The following SORBS3 variants were observed in gnomAD, a reference collection of about 807,000 sequenced individuals.
The protein encoded by SORBS3 is sorbin and SH3 domain containing 3, also known as vinexin.
In SORBS3, 69 loss-of-function variants were observed where a neutral mutation model predicts 98.0. The observed-to-expected ratio is 0.70, with a 90% confidence interval of 0.58 to 0.86. SORBS3 has a LOEUF of 0.86. SORBS3 is among the 40% of genes least tolerant of loss of function. The pLI, the probability that SORBS3 is intolerant of heterozygous loss-of-function variation, is 0.00. For missense variants in SORBS3, 954 were observed against 908.5 expected (o/e 1.05, Z -0.64); for synonymous variants, 394 against 355.4 (o/e 1.11, Z -1.22).
Position 22,554,807 on chromosome 8 carries a change from T to TCCCA in SORBS3, c.103-53_103-52insACCC. On this transcript the variant is annotated intron_variant, in intron 2 of 20. Transcript: ENST00000240123. The surrounding 1 kb of genome is among the most constrained non-coding windows in gnomAD (Gnocchi z 6.5). Reference sequence around the variant, plus strand: ...GGGTGTGGGCTGTGCCTAGTAGCCATCCCTCCCTCCCGCCCTGCTGGGCCC... The same window carrying TCCCA: ...GGGTGTGGGCTGTGCCTAGTAGCCATCCCACCCTCCCTCCCGCCCTGCTGGGCCC... 1 of 1,428,608 alleles carries TCCCA rather than the reference T, an allele frequency of 7.0e-7. No individual in the cohort carries two copies. Among genetic ancestry groups the TCCCA allele is most frequent in the Non-Finnish European group, 9.8e-7 (1 of 1,020,752 alleles). 88.5% of individuals were successfully genotyped at this position (1,428,608 alleles called of 1,614,324 possible).
At chr8:22,548,773 CT>C (rs1456901917), upstream of SORBS3, among the ~76,000 whole-genome samples, 1 of 152,176 alleles carries the variant, frequency 6.6e-6, no homozygotes, top group Non-Finnish European at 1.5e-5. Context: ...TCTGGGACCC[CT>C]GGCTTCCCTT....
intron 1 of SORBS3, among the ~76,000 whole-genome samples, chr8:22,553,901 T>G (rs928055611): frequency 2.0e-4 from 31 of 152,110 alleles, no homozygotes; most frequent in African/African-American, 7.5e-4. Flanking sequence ...TGCCTGGAAA[T>G]GCCCCCGACG....
intron 5 of SORBS3, 33 bp downstream of exon 5, chr8:22,558,225 A>G: frequency 6.2e-7 from 1 of 1,605,532 alleles, no homozygotes; most frequent in Non-Finnish European, 8.5e-7. Context: ...TCTCCCTGCC[A>G]AAGTGGATTC....
rs771378393 is a variant in SORBS3 at position 22,565,303 on chromosome 8, C to A, written c.852C>A (p.Ala284=). 4 of 1,558,884 alleles carry A rather than the reference C, an allele frequency of 2.6e-6. No individual in the cohort carries two copies. Among genetic ancestry groups the A allele is most frequent in the Non-Finnish European group, 3.5e-6 (4 of 1,151,724 alleles). Residue 284 remains alanine, a synonymous_variant, in exon 11 of 21, where the codon GCC becomes GCA. Transcript: ENST00000240123. ...AGAGAGAGCTGGCCGAGCTGAGCGCCGAGCTGGACAAGGACCTGCGGGCAA... is the reference window on the plus strand; with the variant it reads ...AGAGAGAGCTGGCCGAGCTGAGCGCAGAGCTGGACAAGGACCTGCGGGCAA... ...LLERELAELS[A]ELDKDLRAIE... is the part of the protein sequence containing the mutation.
intron 19 of SORBS3, 62 bp downstream of exon 19, chr8:22,571,883 A>G (rs1391201748): frequency 1.7e-6 from 2 of 1,189,442 alleles, no homozygotes; most frequent in East Asian, 2.3e-5. Flanking sequence ...GCAATGCCCC[A>G]TATTCCACCC....
chr8:22,574,968 A>C lies in SORBS3; in HGVS notation c.*240A>C. 2.6e-5 allele frequency: 17 copies of C among 648,514 alleles called. No individual in the cohort carries two copies. Among genetic ancestry groups the C allele is most frequent in the East Asian group, 3.1e-5 (1 of 32,114 alleles). The allele number at this position is 648,514 out of a possible 1,614,324, so 40.2% of individuals were successfully genotyped here. A position where few individuals can be genotyped will look rare whatever the true frequency, so the allele number is the denominator to read the frequency against. ...ATTTCCTCCCCACCCCACTCCCCAA[A>C]TACAGAGGTCTGCTTTGAAGCGGAG... On this transcript the variant is annotated 3_prime_UTR_variant, in exon 21 of 21. Transcript: ENST00000240123.
chr8:22,574,193 G>A (rs1563845697), intron 20 of SORBS3, among the ~76,000 whole-genome samples: 1 of 152,164 alleles, frequency 6.6e-6, no homozygotes, highest in Admixed American at 6.5e-5. Flanking sequence ...TCCTCTTCAA[G>A]ACACGAGTTT....
At chr8:22,547,562 G>A (rs1840028980), upstream of SORBS3, among the ~76,000 whole-genome samples, 1 of 152,158 alleles carries the variant, frequency 6.6e-6, no homozygotes, top group African/African-American at 2.4e-5. Flanking sequence ...CCTACCCATC[G>A]CAGTCTACCT....
At position 22,564,072 on chromosome 8, in the gene SORBS3, A is replaced by G. The variant is rs1407575678; in HGVS notation, c.670A>G (p.Asn224Asp). ...GAFSTVLQPSNQVLRRREKVD... is the reference protein window; with the variant it reads ...GAFSTVLQPSDQVLRRREKVD... ...ATTCTCCACTGTGCTGCAGCCCTCA[A>G]ATCAGGTAGCCCACCCAGCATAGTC... The change falls in exon 8 of 21, where the codon AAT (asparagine) becomes GAT (aspartate). Residue 224 changes from asparagine to aspartate, a missense_variant. Asn to Asp is a conservative substitution (Grantham distance 23). Coordinates refer to ENST00000240123, the MANE Select transcript of SORBS3 (RefSeq NM_005775.5). 14 of 1,613,466 alleles carry G rather than the reference A, an allele frequency of 8.7e-6. No homozygotes were observed. The highest frequency in any genetic ancestry group is 1.3e-5 in the African/African-American group (1 of 74,916).
chr8:22,564,166 C>T, intron 8 of SORBS3, 89 bp downstream of exon 8: 1 of 1,501,056 alleles, frequency 6.7e-7, no homozygotes, highest in Non-Finnish European at 9.2e-7. Context: ...AGCTTGAATC[C>T]CTTGGAGGAC....
chr8:22,572,874 C>T (rs1415306174), intron 20 of SORBS3, among the ~76,000 whole-genome samples: 2 of 152,222 alleles, frequency 1.3e-5, no homozygotes, highest in Non-Finnish European at 2.9e-5. Context: ...CCCAGCCCCT[C>T]AGGGCTGGCC....
upstream of SORBS3, among the ~76,000 whole-genome samples, chr8:22,549,414 G>A (rs546840468): frequency 1.8e-4 from 27 of 152,262 alleles, no homozygotes; most frequent in South Asian, 6.2e-4. Flanking sequence ...GGGAGGCGTC[G>A]GGAAATCAGA....
intron 17 of SORBS3, among the ~76,000 whole-genome samples, chr8:22,570,007 G>A (rs1307751207): frequency 6.6e-6 from 1 of 152,184 alleles, no homozygotes; most frequent in Non-Finnish European, 1.5e-5. Flanking sequence ...AGGCAGTTCT[G>A]TGTATGCACA....
chr8:22,563,962 A>C, intron 7 of SORBS3, 25 bp from the exon 8 acceptor site: 1 of 1,583,722 alleles, frequency 6.3e-7, no homozygotes, highest in Non-Finnish European at 8.7e-7. Flanking sequence ...AAGGAAGCTG[A>C]AGAGATGTCC....
Position 22,564,280 on chromosome 8 carries a change from C to T in SORBS3, c.676-3C>T. The T allele has an allele frequency of 1.3e-6, 2 of 1,587,006 alleles. No individual in the cohort carries two copies. The highest frequency in any genetic ancestry group is 1.7e-6 in the Non-Finnish European group (2 of 1,165,170). On this transcript the variant is annotated splice_region_variant and splice_polypyrimidine_tract_variant and intron_variant, in intron 8 of 20. Coordinates refer to ENST00000240123, the MANE Select transcript of SORBS3 (RefSeq NM_005775.5). ...AAGCTGACACCCACCCACCTCCACG[C>T]AGGTGCTCAGACGCCGGGAAAAAGT...
intron 12 of SORBS3, 92 bp downstream of exon 12, chr8:22,565,964 GC>G (rs1431502256): frequency 2.0e-5 from 18 of 878,432 alleles, no homozygotes; most frequent in Non-Finnish European, 2.7e-5. Context: ...GGGGGCGATC[GC>G]GGGGCCCAGC....
In SORBS3 at chr8:22,571,201, G is replaced by A. The variant is rs143336564; in HGVS notation, c.1723G>A (p.Glu575Lys). The A allele has an allele frequency of 3.5e-4, 541 of 1,558,778 alleles. 1 individual carries two copies. Among genetic ancestry groups the A allele is most frequent in the Non-Finnish European group, 4.5e-4 (517 of 1,154,296 alleles). ...CACTGGCTTCTCCTTCCCCACCCAG[G>A]AGCCTAGACCCCAGACCCAGGTGAG... is the stretch of plus-strand genomic sequence containing the variant. The part of the protein sequence containing the change: ...RRTGFSFPTQ[E>K]PRPQTQNLGT... Residue 575 changes from glutamate (E) to lysine (K), a missense_variant, in exon 18 of 21, where the codon GAG (glutamate) becomes AAG (lysine). Coordinates refer to ENST00000240123, the MANE Select transcript of SORBS3 (RefSeq NM_005775.5).
At chr8:22,561,464 G>C in intron 6 of SORBS3, 91 bp downstream of exon 6, 2 of 1,455,752 alleles carry the variant, frequency 1.4e-6, no homozygotes, top group Non-Finnish European at 1.9e-6. Flanking sequence ...GCCTGGCTTT[G>C]GGGCTCTCCA....
At chr8:22,555,055 C>T (rs1274440176) in intron 3 of SORBS3, 75 bp downstream of exon 3, 24 of 1,268,052 alleles carry the variant, frequency 1.9e-5, no homozygotes, top group South Asian at 8.9e-5. Context: ...CTGTGTCAAG[C>T]GGGAGGGGCA....
Sources: gnomAD v4.1 joint callset for allele counts (sites outside exome capture counted in the v4.1 genomes callset) on GRCh38, gnomAD v4.1.1 for gene constraint, Gnocchi (gnomAD v3.1) non-coding constraint, MANE v1.5 for transcripts, NCBI Gene and HGNC (gene_info 2026-07-23, HGNC 2026-07-21) for gene names.